Variants in GPALPP1 observed in about 807,000 individuals in gnomAD.
The protein encoded by GPALPP1 is GPALPP motifs containing 1.
Under a neutral mutation model 38.9 loss-of-function variants are expected in GPALPP1, and 30 were observed. The ratio of observed to expected loss-of-function variants is 0.77; its 90% CI spans 0.58 to 1.05. The LOEUF (loss-of-function observed/expected upper bound fraction) is 1.05, where lower values mean the gene tolerates loss of function less well. GPALPP1 is among the 50% of genes least tolerant of loss of function. GPALPP1 has a pLI of 0.00. For synonymous variants in GPALPP1, 120 were observed against 139.2 expected (o/e 0.86, Z 0.97); for missense variants, 384 against 408.8 (o/e 0.94, Z 0.52).
chr13:44,989,903 G>T (rs1363983068), intron 1 of GPALPP1, 161 bp downstream of exon 1: 2 of 607,944 alleles, frequency 3.3e-6, no homozygotes, highest in South Asian at 1.9e-5. Flanking sequence ...TAGCAGGGGG[G>T]AGGAGGCTGG....
chr13:45,005,067 T>C lies in GPALPP1; in HGVS notation c.221+630T>C, dbSNP rs998596922. ...TTATATATGCAGTGTATGTTTTCTT[T>C]AAATAAACTAATGGTTTTCTTTTTT... On this transcript the variant is annotated intron_variant, in intron 2 of 7. Coordinates refer to ENST00000379151, the MANE Select transcript of GPALPP1 (RefSeq NM_018559.5). 6.0e-5 allele frequency: 9 copies of C among 150,922 alleles called. No individual in the cohort carries two copies. The East Asian group carries it at 1.7e-3, about 29-fold the overall frequency. 9.3% of individuals were successfully genotyped at this position (150,922 alleles called of 1,614,324 possible).
chr13:45,005,501 T>C (rs1874025273), intron 2 of GPALPP1, among the ~76,000 whole-genome samples: 1 of 152,184 alleles, frequency 6.6e-6, no homozygotes, highest in African/African-American at 2.4e-5. Context: ...TGATTCATTT[T>C]AAATATTATC....
rs958106559 is a variant in GPALPP1 at position 45,029,837 on chromosome 13, A to G, written c.*1834A>G. Reference sequence around the variant, plus strand: ...GTCAGAAAGATCTCTGGGTTATCTCATGTGCTAAGGAAAAACTATTTTGCT... The same window carrying G: ...GTCAGAAAGATCTCTGGGTTATCTCGTGTGCTAAGGAAAAACTATTTTGCT... On this transcript the variant is annotated 3_prime_UTR_variant, in exon 8 of 8. Transcript: ENST00000379151. The G allele has an allele frequency of 5.3e-5, 8 of 152,118 alleles. No homozygotes were observed. 9.4% of individuals were successfully genotyped at this position (152,118 alleles called of 1,614,324 possible).
chr13:44,990,027 C>A, intron 1 of GPALPP1: 1 of 524,318 alleles, frequency 1.9e-6, no homozygotes, highest in South Asian at 2.9e-5. Context: ...CCCACTCAGT[C>A]ATTTAAGCCG....
chr13:45,016,139 T>C (rs1874851802), intron 6 of GPALPP1, among the ~76,000 whole-genome samples: 1 of 152,090 alleles, frequency 6.6e-6, no homozygotes, highest in Admixed American at 6.6e-5. Context: ...AGAACCACTG[T>C]CATTAATACA....
intron 1 of GPALPP1, among the ~76,000 whole-genome samples, chr13:45,000,469 T>C (rs993569943): frequency 2.0e-5 from 3 of 152,110 alleles, no homozygotes; most frequent in Admixed American, 6.5e-5. Flanking sequence ...GTGTGTACGT[T>C]ATAATACCAA....
chr13:44,990,358 C>G (rs544513384), intron 1 of GPALPP1: 1 of 165,212 alleles, frequency 6.1e-6, no homozygotes, highest in African/African-American at 2.4e-5. Context: ...ACATAACTGA[C>G]AAACTTCTCC....
chr13:45,016,452 TCAAAAAAAAA>T (rs1054928191), intron 6 of GPALPP1, among the ~76,000 whole-genome samples: 9 of 149,990 alleles, frequency 6.0e-5, no homozygotes, highest in African/African-American at 2.0e-4. Flanking sequence ...AGACTCCATC[TCAAAAAAAAA>T]CAAAAAAACA....
intron 1 of GPALPP1, among the ~76,000 whole-genome samples, chr13:44,991,077 G>C (rs1809187687): frequency 6.6e-6 from 1 of 150,720 alleles, no homozygotes. Context: ...GACGGAACGA[G>C]AGTTTGTCTC....
intron 3 of GPALPP1, among the ~76,000 whole-genome samples, 163 bp from the exon 4 acceptor site, chr13:45,008,632 C>G (rs577423255): frequency 1.3e-5 from 2 of 152,228 alleles, no homozygotes; most frequent in East Asian, 3.9e-4. Context: ...TAAAAGACGT[C>G]TAGCAGAAAG....
intron 1 of GPALPP1, among the ~76,000 whole-genome samples, chr13:44,997,477 G>C (rs149102855): frequency 3.4e-4 from 52 of 152,210 alleles, no homozygotes; most frequent in African/African-American, 1.2e-3. Context: ...TCTAACTCCA[G>C]TCTCCTATCT....
In GPALPP1 at chr13:45,027,832, A is replaced by G; in HGVS notation, c.852A>G (p.Leu284=). Residue 284 remains leucine, a synonymous_variant, in exon 8 of 8, where the codon TTA becomes TTG. Transcript: ENST00000379151. The stretch of plus-strand genomic sequence containing the variant: ...TTATGGACATACATCATAAAAAGTT[A>G]AAGAGTAAGGCTGCTGAAGACAAAA... ...ESLMDIHHKK[L]KSKAAEDKNK... The G allele has an allele frequency of 6.2e-7, 1 of 1,602,388 alleles. No homozygotes were observed. Among genetic ancestry groups the G allele is most frequent in the Non-Finnish European group, 8.5e-7 (1 of 1,169,600 alleles).
At chr13:44,997,434 A>G (rs1485004295) in intron 1 of GPALPP1, among the ~76,000 whole-genome samples, 2 of 152,174 alleles carry the variant, frequency 1.3e-5, no homozygotes, top group African/African-American at 4.8e-5. Flanking sequence ...ATGCTGTTCT[A>G]TGGAAGCTGA....
chr13:45,006,218 C>G lies in GPALPP1; in HGVS notation c.238C>G (p.Gln80Glu), dbSNP rs368962766. 1.9e-6 allele frequency: 3 copies of G among 1,603,448 alleles called. No individual in the cohort carries two copies. The highest frequency in any genetic ancestry group is 2.2e-5 in the South Asian group (2 of 88,902). Reference sequence around the variant, plus strand: ...TGTTTTCAGAAAACAGAGGAAAAATCAGGATGATGACGATGATGATGATGA... The same window carrying G: ...TGTTTTCAGAAAACAGAGGAAAAATGAGGATGATGACGATGATGATGATGA... The part of the protein sequence containing the change: ...GPTARKQRKN[Q>E]DDDDDDDDGF... The change falls in exon 3 of 8, where the codon CAG becomes GAG. Residue 80 changes from glutamine (Q) to glutamate (E), a missense_variant. Transcript: ENST00000379151.
chr13:45,035,861 G>C (rs1876387858), exon 8 of GPALPP1: 1 of 152,146 alleles, frequency 6.6e-6, no homozygotes, highest in Admixed American at 6.5e-5. Context: ...GTAAATTCAA[G>C]TTTAAGAACC....
rs1200954156 is a variant in GPALPP1, at chr13:44,989,699, G to T, written c.45G>T (p.Lys15Asn). The T allele has an allele frequency of 5.0e-6, 8 of 1,611,818 alleles. No homozygotes were observed. The highest frequency in any genetic ancestry group is 6.8e-6 in the Non-Finnish European group (8 of 1,179,940). The change falls in exon 1 of 8, where the codon AAG becomes AAT. Residue 15 changes from lysine to asparagine, a missense_variant. Coordinates refer to ENST00000379151, the MANE Select transcript of GPALPP1 (RefSeq NM_018559.5). ...LIGPALPPGF[K>N]ARGTAEDEER... The stretch of plus-strand genomic sequence containing the variant: ...GACCGGCCCTGCCGCCCGGCTTCAA[G>T]GCCCGCGGAACAGCGGAGGACGAAG...
intron 4 of GPALPP1, among the ~76,000 whole-genome samples, chr13:45,013,380 G>T (rs1874611780): frequency 6.6e-6 from 1 of 152,322 alleles, no homozygotes; most frequent in East Asian, 1.9e-4. Context: ...TCCTTTCCCT[G>T]TGCCTCTTTT....
chr13:45,017,906 A>G (rs893398479), intron 6 of GPALPP1, among the ~76,000 whole-genome samples: 1 of 152,220 alleles, frequency 6.6e-6, no homozygotes, highest in Non-Finnish European at 1.5e-5. Flanking sequence ...CACAAACTAT[A>G]TAGTATCACA....
At chr13:45,005,505 T>C (rs1454674170) in intron 2 of GPALPP1, among the ~76,000 whole-genome samples, 3 of 152,182 alleles carry the variant, frequency 2.0e-5, no homozygotes, top group Admixed American at 2.0e-4. Context: ...TCATTTTAAA[T>C]ATTATCAGGT....
Sources: allele counts gnomAD v4.1 joint callset (sites outside exome capture counted in the v4.1 genomes callset), GRCh38; gene constraint gnomAD v4.1.1; transcripts MANE v1.5; gene names NCBI Gene and HGNC (gene_info 2026-07-23, HGNC 2026-07-21).